PLCB4: variants seen among roughly 807,000 people sequenced by gnomAD.
The protein encoded by PLCB4 is phospholipase C beta 4, also known as 1-phosphatidylinositol 4,5-bisphosphate phosphodiesterase beta-4.
In PLCB4, 77 loss-of-function variants were observed where a neutral mutation model predicts 178.8. The observed-to-expected ratio is 0.43, with a 90% confidence interval of 0.36 to 0.52. The LOEUF (loss-of-function observed/expected upper bound fraction) is 0.52, where lower values mean the gene tolerates loss of function less well. Among genes scored for constraint, PLCB4 ranks in the 20% least tolerant of loss-of-function variants. PLCB4 has a pLI of 0.00. For synonymous variants in PLCB4, 496 were observed against 490.8 expected, an observed-to-expected ratio of 1.01 and a Z score of -0.14; for missense variants, 1,024 against 1,453.4, an observed-to-expected ratio of 0.70 and a Z score of 4.80.
chr20:9,261,399 T>A (rs1156355991), intron 3 of PLCB4, among the ~76,000 whole-genome samples: 1 of 152,188 alleles, frequency 6.6e-6, no homozygotes, highest in African/African-American at 2.4e-5. Context: ...TGTATTTATT[T>A]CTAGAATGTC....
At chr20:9,144,976 G>T (rs1170459304) in intron 2 of PLCB4, among the ~76,000 whole-genome samples, 2 of 152,042 alleles carry the variant, frequency 1.3e-5, no homozygotes, top group African/African-American at 4.8e-5. Context: ...GAGGTATATT[G>T]TGTTTTCAGT....
At chr20:9,316,770 G>A (rs6086836) in intron 4 of PLCB4, among the ~76,000 whole-genome samples, 2,661 of 152,238 alleles carry the variant, frequency 0.017, 26 homozygotes, top group Non-Finnish European at 0.028. Flanking sequence ...ACCCAAAGCA[G>A]CAAAAACTAA....
At chr20:9,300,279 T>C (rs1029405389) in intron 3 of PLCB4, among the ~76,000 whole-genome samples, 1 of 152,106 alleles carries the variant, frequency 6.6e-6, no homozygotes, top group South Asian at 2.1e-4. Context: ...CTTAAGGTCA[T>C]GGGTTATTTG....
rs1288043842 is a variant in PLCB4 at position 9,135,588 on chromosome 20, G to T, written c.-79+39246G>T. Among the ~76,000 whole-genome samples the T allele has an allele frequency of 2.0e-5, 3 of 151,890 alleles. No homozygotes were observed. In the East Asian group the frequency reaches 5.8e-4, roughly 29 times the overall value. On this transcript the variant is annotated intron_variant, in intron 2 of 39. Coordinates refer to ENST00000378473, the MANE Select transcript of PLCB4 (RefSeq NM_001377142.1). ...AATTTCCCCACCTTGATTTTTTATAGGTATATCCTATAATGGGTTAAGAGG... is the reference window on the plus strand; with the variant it reads ...AATTTCCCCACCTTGATTTTTTATATGTATATCCTATAATGGGTTAAGAGG...
At chr20:9,469,495 C>G (rs1434259307) in intron 36 of PLCB4, among the ~76,000 whole-genome samples, 1 of 152,160 alleles carries the variant, frequency 6.6e-6, no homozygotes, top group East Asian at 1.9e-4. Flanking sequence ...GGTGAGTTTT[C>G]TGGAAGCAGA....
At chr20:9,362,146 A>G (rs1226883287) in intron 7 of PLCB4, among the ~76,000 whole-genome samples, 1 of 152,194 alleles carries the variant, frequency 6.6e-6, no homozygotes, top group Non-Finnish European at 1.5e-5. Flanking sequence ...TGCCGAGGGT[A>G]TGATTCTTCT....
intron 2 of PLCB4, among the ~76,000 whole-genome samples, chr20:9,112,256 CTTTTTTTT>C (rs924027156): frequency 7.3e-6 from 1 of 137,162 alleles, no homozygotes; most frequent in East Asian, 2.1e-4. Flanking sequence ...ATACCCTACT[CTTTTTTTT>C]TTTTTTTTTG....
At chr20:9,150,815 G>A (rs905238547) in intron 2 of PLCB4, among the ~76,000 whole-genome samples, 2 of 152,128 alleles carry the variant, frequency 1.3e-5, no homozygotes, top group African/African-American at 2.4e-5. Flanking sequence ...CTTCTCCTCC[G>A]AAAATAACTC....
chr20:9,421,043 T>C (rs1411423757), intron 26 of PLCB4, among the ~76,000 whole-genome samples: 2 of 148,540 alleles, frequency 1.3e-5, no homozygotes, highest in African/African-American at 2.6e-5. Context: ...TTATGATTCA[T>C]ATATATTTTT....
chr20:9,368,599 C>A (rs538192085), intron 9 of PLCB4, among the ~76,000 whole-genome samples: 7 of 152,312 alleles, frequency 4.6e-5, no homozygotes, highest in African/African-American at 1.7e-4. Context: ...GAAGGCCCAG[C>A]AGCCCACGAA....
chr20:9,408,745 T>G, intron 23 of PLCB4, 28 bp downstream of exon 23: 1 of 1,215,296 alleles, frequency 8.2e-7, no homozygotes, highest in Non-Finnish European at 1.2e-6. Flanking sequence ...GTGGAATGAG[T>G]GGTTGACTCA....
chr20:9,200,489 C>T (rs2093529860), intron 2 of PLCB4, among the ~76,000 whole-genome samples: 1 of 152,192 alleles, frequency 6.6e-6, no homozygotes, highest in African/African-American at 2.4e-5. Context: ...CAAAGTGTTC[C>T]TTTAAAACTT....
In PLCB4 at chr20:9,468,588, G is replaced by T; in HGVS notation, c.3266G>T (p.Arg1089Leu). The part of the protein sequence containing the change: ...LSHDRESKEM[R>L]AHQAKISMEN... Reference sequence around the variant, plus strand: ...ATACATAGGGAAAGCAAGGAAATGCGAGCACACCAGGCTAAGATTTCTATG... The same window carrying T: ...ATACATAGGGAAAGCAAGGAAATGCTAGCACACCAGGCTAAGATTTCTATG... The change falls in exon 36 of 40, where the codon CGA becomes CTA. Residue 1089 changes from arginine to leucine, a missense_variant. By Grantham distance (102) the Arg-to-Leu change is moderately radical. Around this residue, in one of 7 missense-constraint regions of PLCB4, gnomAD observed 264 missense variants for 283.2 expected, o/e 0.93. Transcript: ENST00000378473. 1.2e-6 allele frequency: 2 copies of T among 1,607,742 alleles called. No individual in the cohort carries two copies. Among genetic ancestry groups the T allele is most frequent in the South Asian group, 2.2e-5 (2 of 90,886 alleles).
chr20:9,156,494 A>G (rs559103149), intron 2 of PLCB4, among the ~76,000 whole-genome samples: 1 of 152,266 alleles, frequency 6.6e-6, no homozygotes, highest in African/African-American at 2.4e-5. Context: ...GACCTGTTTC[A>G]TATTCATGCT....
intron 2 of PLCB4, among the ~76,000 whole-genome samples, chr20:9,172,903 A>G (rs1272402730): frequency 2.0e-5 from 3 of 152,226 alleles, no homozygotes; most frequent in African/African-American, 4.8e-5. Flanking sequence ...AATTCCTGTT[A>G]TCTGCAAAGA....
chr20:9,095,136 C>T (rs1421384345), intron 1 of PLCB4, among the ~76,000 whole-genome samples: 1 of 152,166 alleles, frequency 6.6e-6, no homozygotes, highest in African/African-American at 2.4e-5. Flanking sequence ...TGGCTATTTG[C>T]AGACATGGAC....
Position 9,453,558 on chromosome 20 carries a change from T to C in PLCB4, c.2996+96T>C, listed in dbSNP as rs939308814. On this transcript the variant is annotated intron_variant, in intron 33 of 39. Coordinates refer to ENST00000378473, the MANE Select transcript of PLCB4 (RefSeq NM_001377142.1). Reference sequence around the variant, plus strand: ...CTGTTTAGGTCAAGGAAGAACTTAGTGTTGACTTGATTTTCATCATTAAAA... The same window carrying C: ...CTGTTTAGGTCAAGGAAGAACTTAGCGTTGACTTGATTTTCATCATTAAAA... 10 of 652,614 alleles carry C rather than the reference T, an allele frequency of 1.5e-5. No homozygotes were observed. In the African/African-American group the frequency reaches 1.8e-4, roughly 12 times the overall value. The allele number at this position is 652,614 out of a possible 1,614,324, so 40.4% of individuals were successfully genotyped here. A position where few individuals can be genotyped will look rare whatever the true frequency, so the allele number is the denominator to read the frequency against.
intron 28 of PLCB4, among the ~76,000 whole-genome samples, chr20:9,428,502 T>C (rs945354184): frequency 1.3e-5 from 2 of 151,952 alleles, no homozygotes; most frequent in African/African-American, 4.8e-5. Context: ...TTTCCCAATC[T>C]TATTTGACAC....
intron 3 of PLCB4, among the ~76,000 whole-genome samples, chr20:9,258,714 C>CA (rs969525907): frequency 0.24 from 15,158 of 62,186 alleles, 1,962 homozygotes; most frequent in East Asian, 0.36. Context: ...GACTTCCTCT[C>CA]AAAAAAAAAA....
Sources: allele counts gnomAD v4.1 joint callset (sites outside exome capture counted in the v4.1 genomes callset), GRCh38; gene constraint gnomAD v4.1.1; regional missense constraint gnomAD v4.1.1; transcripts MANE v1.5; gene names NCBI Gene and HGNC (gene_info 2026-07-23, HGNC 2026-07-21).